The following FAT3 variants were observed in gnomAD, a reference collection of about 807,000 sequenced individuals.
The protein encoded by FAT3 is FAT atypical cadherin 3.
Under a neutral mutation model 310.2 loss-of-function variants are expected in FAT3, and 95 were observed. That is an observed-to-expected ratio of 0.31 (90% confidence interval 0.26 to 0.36). The LOEUF (loss-of-function observed/expected upper bound fraction) is 0.36. FAT3 is among the 10% of genes least tolerant of loss of function. The pLI is 1.00. For missense variants in FAT3, 5,408 were observed against 5,715.6 expected (o/e 0.95, Z 1.74); for synonymous variants, 2,314 against 2,192.9 (o/e 1.06, Z -1.54).
At position 92,821,500 on chromosome 11, in the gene FAT3, G is replaced by T. The variant is rs1281266042; in HGVS notation, c.9482-10122G>T. 2.6e-5 allele frequency among the ~76,000 whole-genome samples: 4 copies of T among 152,106 alleles called. No individual in the cohort carries two copies. In the East Asian group the frequency reaches 7.7e-4, roughly 29 times the overall value. On this transcript the variant is annotated intron_variant, in intron 13 of 27. Transcript: ENST00000525166. ...TCTCCGAAGTGTTGAATCTTTGAAG[G>T]TGGCTAAGGGACTATTAAAATGTCA...
rs869097021 is a variant in FAT3 at position 92,442,111 on chromosome 11, A to AT, written c.3293-82503dup. Among the ~76,000 whole-genome samples the AT allele has an allele frequency of 3.3e-3, 147 of 45,208 alleles. 8 individuals carry two copies. The highest frequency in any genetic ancestry group is 6.8e-3 in the South Asian group (5 of 732). 29.7% of individuals were successfully genotyped at this position (45,208 alleles called of 152,430 possible). On this transcript the variant is annotated intron_variant, in intron 2 of 27. Transcript: ENST00000525166. ...TATATATATATATATATATATATATATTTTTTTTTTTTTTTTTTTTGAGAT... is the reference window on the plus strand; with the variant it reads ...TATATATATATATATATATATATATATTTTTTTTTTTTTTTTTTTTTGAGAT...
intron 2 of FAT3, among the ~76,000 whole-genome samples, chr11:92,428,666 G>T (rs889783449): frequency 1.3e-5 from 2 of 152,140 alleles, no homozygotes; most frequent in African/African-American, 4.8e-5. Context: ...GCAGCAGATT[G>T]TTCAGTTTCC....
At chr11:92,424,067 T>A (rs1950582270) in intron 2 of FAT3, among the ~76,000 whole-genome samples, 1 of 151,960 alleles carries the variant, frequency 6.6e-6, no homozygotes, top group Non-Finnish European at 1.5e-5. Context: ...AGGTTTTGTT[T>A]TGTTTTGTTT....
At chr11:92,774,689 C>A (rs1291051072) in intron 7 of FAT3, among the ~76,000 whole-genome samples, 1 of 152,136 alleles carries the variant, frequency 6.6e-6, no homozygotes, top group Non-Finnish European at 1.5e-5. Flanking sequence ...CTCTCTTCTG[C>A]CATTCTAGCC....
intron 2 of FAT3, among the ~76,000 whole-genome samples, chr11:92,373,318 T>C (rs1414469847): frequency 6.6e-6 from 1 of 152,186 alleles, no homozygotes; most frequent in Non-Finnish European, 1.5e-5. Flanking sequence ...GCTCCAGATT[T>C]GTGGGCATGG....
intron 3 of FAT3, among the ~76,000 whole-genome samples, chr11:92,658,980 T>G (rs1350100603): frequency 6.6e-6 from 1 of 152,064 alleles, no homozygotes; most frequent in Non-Finnish European, 1.5e-5. Flanking sequence ...TGCCATCATT[T>G]TCCTGGCCCC....
chr11:92,633,514 C>T (rs12221706), intron 3 of FAT3, among the ~76,000 whole-genome samples: 1 of 152,214 alleles, frequency 6.6e-6, no homozygotes, highest in East Asian at 1.9e-4. Flanking sequence ...TTGACTAGTT[C>T]CACAGTGTGT....
chr11:92,452,418 A>C (rs1233506177), intron 2 of FAT3, among the ~76,000 whole-genome samples: 1 of 152,216 alleles, frequency 6.6e-6, no homozygotes, highest in Non-Finnish European at 1.5e-5. Flanking sequence ...AGCAGAGACC[A>C]ATAGGCAATT....
Position 92,761,871 on chromosome 11 carries a change from G to A in FAT3, c.3685G>A (p.Gly1229Ser), listed in dbSNP as rs769242727. 18 of 1,613,444 alleles carry A rather than the reference G, an allele frequency of 1.1e-5. No individual in the cohort carries two copies. Among genetic ancestry groups the A allele is most frequent in the African/African-American group, 1.3e-5 (1 of 74,904 alleles). Residue 1229 changes from glycine (G) to serine (S), a missense_variant, in exon 5 of 28, where the codon GGT becomes AGT. Gly to Ser is a moderately conservative substitution (Grantham distance 56). This residue lies in a region of FAT3 where 4,588 missense variants were observed against 4,809.8 expected (regional missense o/e 0.95). Coordinates refer to ENST00000525166, the MANE Select transcript of FAT3 (RefSeq NM_001367949.2). ...TCTTTTTCAGGTGACTGTGACAGAT[G>A]GTGGTCCCTCTCCAAAACAGTCAAC... is the stretch of plus-strand genomic sequence containing the variant. Reference protein sequence around the residue: ...EHFLEVTVTDGGPSPKQSTIW... With the variant: ...EHFLEVTVTDSGPSPKQSTIW...
chr11:92,783,502 TAAAA>T (rs11349996), intron 7 of FAT3, among the ~76,000 whole-genome samples: 4 of 140,292 alleles, frequency 2.9e-5, no homozygotes, highest in African/African-American at 1.0e-4. Flanking sequence ...CTTTTTTAAT[TAAAA>T]AAAAAAAAAA....
intron 15 of FAT3, among the ~76,000 whole-genome samples, chr11:92,836,099 A>G (rs988808431): frequency 6.6e-6 from 1 of 152,078 alleles, no homozygotes; most frequent in African/African-American, 2.4e-5. Flanking sequence ...AAATTTCAAC[A>G]TCATCAACCT....
chr11:92,635,047 C>T (rs1174395647), intron 3 of FAT3, among the ~76,000 whole-genome samples: 1 of 152,128 alleles, frequency 6.6e-6, no homozygotes, highest in Non-Finnish European at 1.5e-5. Flanking sequence ...TGATATCGGA[C>T]TTCTAGCTCC....
At chr11:92,438,532 C>A (rs1950997392) in intron 2 of FAT3, among the ~76,000 whole-genome samples, 1 of 152,140 alleles carries the variant, frequency 6.6e-6, no homozygotes, top group African/African-American at 2.4e-5. Context: ...GCGACTATCA[C>A]CAGTTTCCAT....
chr11:92,603,702 G>A (rs953085462), intron 3 of FAT3, among the ~76,000 whole-genome samples: 1 of 152,162 alleles, frequency 6.6e-6, no homozygotes, highest in African/African-American at 2.4e-5. Flanking sequence ...TATAGAGTAG[G>A]TGTCTATTAC....
intron 5 of FAT3, among the ~76,000 whole-genome samples, chr11:92,764,190 G>A (rs1037015221): frequency 2.6e-5 from 4 of 152,054 alleles, no homozygotes; most frequent in African/African-American, 9.7e-5. Flanking sequence ...ACAGAGGAGA[G>A]TCATTAGCCC....
At chr11:92,386,408 G>C (rs1415771926) in intron 2 of FAT3, among the ~76,000 whole-genome samples, 1 of 152,170 alleles carries the variant, frequency 6.6e-6, no homozygotes, top group Non-Finnish European at 1.5e-5. Flanking sequence ...ATAAACGATT[G>C]TTGAAAAAGA....
At chr11:92,648,722 C>T (rs908047536) in intron 3 of FAT3, among the ~76,000 whole-genome samples, 1 of 152,184 alleles carries the variant, frequency 6.6e-6, no homozygotes, top group Non-Finnish European at 1.5e-5. Flanking sequence ...GAGCCCAAGA[C>T]ATGGACCATC....
At chr11:92,619,923 A>G (rs865820734) in intron 3 of FAT3, among the ~76,000 whole-genome samples, 1 of 151,572 alleles carries the variant, frequency 6.6e-6, no homozygotes, top group Non-Finnish European at 1.5e-5. Flanking sequence ...TAGGTTATTG[A>G]TTTGGTTTTT....
At chr11:92,226,282 C>T (rs571374724) in intron 1 of FAT3, among the ~76,000 whole-genome samples, 28 of 152,318 alleles carry the variant, frequency 1.8e-4, no homozygotes, top group African/African-American at 6.0e-4. Context: ...GATCTGAATT[C>T]CCTCCTCTCC....
Sources: allele counts gnomAD v4.1 joint callset (sites outside exome capture counted in the v4.1 genomes callset), GRCh38; gene constraint gnomAD v4.1.1; regional missense constraint gnomAD v4.1.1; transcripts MANE v1.5; gene names NCBI Gene and HGNC (gene_info 2026-07-23, HGNC 2026-07-21).